NTRK2: variants seen among roughly 807,000 people sequenced by gnomAD.
NTRK2 encodes BDNF/NT-3 growth factors receptor.
A neutral mutation model predicts 94.5 loss-of-function variants in NTRK2; 13 were observed. The observed-to-expected ratio is 0.14, with a 90% CI of 0.09 to 0.22. The LOEUF is 0.22. Among genes scored for constraint, NTRK2 ranks in the 10% least tolerant of loss-of-function variants. The pLI is 1.00. For synonymous variants in NTRK2, 372 were observed against 407.4 expected (o/e 0.91, Z 1.05); for missense variants, 639 against 1,071.2 (o/e 0.60, Z 5.63).
rs1027153245 is a variant in NTRK2 at position 84,702,479 on chromosome 9, C to A, written c.359+60C>A. ...CCATTTTATTCAATATTTCCCCCCT[C>A]TGTTTATTTTCCTTCTTTTCCAACT... On this transcript the variant is annotated intron_variant, in intron 4 of 18. Coordinates refer to ENST00000277120, the MANE Select transcript of NTRK2 (RefSeq NM_006180.6). The A allele has an allele frequency of 3.5e-6, 5 of 1,410,584 alleles. No individual in the cohort carries two copies. In the African/African-American group the frequency reaches 7.0e-5, roughly 20 times the overall value. 87.4% of individuals were successfully genotyped at this position (1,410,584 alleles called of 1,614,324 possible). A position where few individuals can be genotyped will look rare whatever the true frequency, so the allele number is the denominator to read the frequency against.
intron 2 of NTRK2, among the ~76,000 whole-genome samples, chr9:84,696,144 G>C (rs1239454738): frequency 6.6e-6 from 1 of 152,070 alleles, no homozygotes. Flanking sequence ...CAAGCAGCTG[G>C]GACCACAGGC....
In NTRK2 at chr9:84,934,253, C is replaced by T. The variant is rs781117934; in HGVS notation, c.1725C>T (p.Asn575=). The change falls in exon 15 of 19, where the codon AAC becomes AAT. Residue 575 remains asparagine (N), a synonymous_variant. Coordinates refer to ENST00000277120, the MANE Select transcript of NTRK2 (RefSeq NM_006180.6). ...AAGTGTTCCTAGCTGAATGCTATAA[C>T]CTCTGTCCTGAGCAGGACAAGATCT... The part of the protein sequence containing the change: ...FGKVFLAECY[N]LCPEQDKILV... 1.2e-6 allele frequency: 2 copies of T among 1,613,950 alleles called. No homozygotes were observed. The highest frequency in any genetic ancestry group is 1.1e-5 in the South Asian group (1 of 91,064).
At chr9:84,694,847 G>T (rs2060264194) in intron 2 of NTRK2, among the ~76,000 whole-genome samples, 1 of 151,776 alleles carries the variant, frequency 6.6e-6, no homozygotes, top group Non-Finnish European at 1.5e-5. Context: ...ATATCATCTG[G>T]AGATGATAGA....
At chr9:84,745,814 T>A (rs908621643) in intron 11 of NTRK2, among the ~76,000 whole-genome samples, 10 of 152,086 alleles carry the variant, frequency 6.6e-5, no homozygotes, top group African/African-American at 2.2e-4. Flanking sequence ...GGGTTGGAGA[T>A]AAAGATTGTG....
At chr9:84,851,354 A>C (rs564299916) in intron 12 of NTRK2, among the ~76,000 whole-genome samples, 27 of 152,322 alleles carry the variant, frequency 1.8e-4, no homozygotes, top group African/African-American at 6.0e-4. Flanking sequence ...GACAGTGTGC[A>C]TGATGGCCCA....
At chr9:84,841,014 C>A (rs75896017) in intron 12 of NTRK2, among the ~76,000 whole-genome samples, 6,971 of 152,238 alleles carry the variant, frequency 0.046, 343 homozygotes, top group South Asian at 0.13. Flanking sequence ...AGGAAACTAC[C>A]AAGTGGGACT....
intron 12 of NTRK2, among the ~76,000 whole-genome samples, chr9:84,848,707 G>A (rs1009053859): frequency 6.6e-6 from 1 of 152,156 alleles, no homozygotes; most frequent in African/African-American, 2.4e-5. Context: ...AATCACTCAT[G>A]TATTCCAACA....
intron 12 of NTRK2, among the ~76,000 whole-genome samples, chr9:84,826,753 A>G (rs1238521038): frequency 6.6e-6 from 1 of 152,240 alleles, no homozygotes; most frequent in Non-Finnish European, 1.5e-5. Context: ...TCTAGTACTT[A>G]GTAGATTCAC....
chr9:84,741,516 TA>T (rs1376988188), intron 9 of NTRK2, among the ~76,000 whole-genome samples: 4 of 152,108 alleles, frequency 2.6e-5, no homozygotes, highest in Non-Finnish European at 5.9e-5. Context: ...ACAAAAGTGG[TA>T]CGAAAATTAT....
At chr9:84,891,759 T>C (rs2076601707) in intron 14 of NTRK2, among the ~76,000 whole-genome samples, 1 of 152,224 alleles carries the variant, frequency 6.6e-6, no homozygotes, top group Admixed American at 6.5e-5. Context: ...CATGTCTATG[T>C]TTTCATCCTT....
At chr9:84,880,069 C>A (rs2076209526) in intron 14 of NTRK2, among the ~76,000 whole-genome samples, 1 of 151,848 alleles carries the variant, frequency 6.6e-6, no homozygotes, top group Admixed American at 6.6e-5. Context: ...TTTCTTTTGC[C>A]AAGCCCTCTC....
chr9:84,901,798 A>T (rs2076938152), intron 14 of NTRK2, among the ~76,000 whole-genome samples: 1 of 152,148 alleles, frequency 6.6e-6, no homozygotes, highest in African/African-American at 2.4e-5. Context: ...TCTAGACCAT[A>T]ATTCCCTCTG....
intron 6 of NTRK2, among the ~76,000 whole-genome samples, chr9:84,715,427 G>A (rs79265418): frequency 6.6e-6 from 1 of 152,220 alleles, no homozygotes; most frequent in East Asian, 1.9e-4. Context: ...CTCATTAATA[G>A]TGCAGTCAAA....
At chr9:84,999,193 C>T (rs1163579787) in intron 17 of NTRK2, among the ~76,000 whole-genome samples, 5 of 69,774 alleles carry the variant, frequency 7.2e-5, no homozygotes, top group African/African-American at 1.5e-4. Context: ...TCCCACTGAA[C>T]GTACTTTTGG....
chr9:84,871,394 A>G (rs1213186933), intron 14 of NTRK2, among the ~76,000 whole-genome samples: 1 of 152,222 alleles, frequency 6.6e-6, no homozygotes, highest in Non-Finnish European at 1.5e-5. Context: ...AAAATATATC[A>G]GTGTGAGTCA....
intron 17 of NTRK2, among the ~76,000 whole-genome samples, chr9:84,966,479 T>A (rs1232465411): frequency 1.3e-5 from 2 of 152,210 alleles, no homozygotes; most frequent in Non-Finnish European, 2.9e-5. Context: ...CCACCCAAGC[T>A]GGAGTGTAAT....
intron 12 of NTRK2, chr9:84,811,167 G>A (rs200388371): frequency 7.5e-6 from 8 of 1,061,770 alleles, no homozygotes; most frequent in Non-Finnish European, 9.1e-6. Context: ...TTGGGACTTG[G>A]TAGTATTATT....
chr9:84,817,195 G>T (rs920580237), intron 12 of NTRK2, among the ~76,000 whole-genome samples: 2 of 152,162 alleles, frequency 1.3e-5, no homozygotes, highest in Admixed American at 1.3e-4. Context: ...TTGGCGAGTC[G>T]TTGGGTGTAC....
chr9:84,865,823 A>G (rs1251897830), intron 13 of NTRK2, among the ~76,000 whole-genome samples: 3 of 152,156 alleles, frequency 2.0e-5, no homozygotes, highest in African/African-American at 7.2e-5. Context: ...CTGCCTGTGT[A>G]ATACATATCT....
Sources: gnomAD v4.1 joint callset for allele counts (sites outside exome capture counted in the v4.1 genomes callset) on GRCh38, gnomAD v4.1.1 for gene constraint, MANE v1.5 for transcripts, NCBI Gene and HGNC (gene_info 2026-07-23, HGNC 2026-07-21) for gene names.